Variants in CCDC192 observed in about 807,000 individuals in gnomAD.
CCDC192 encodes coiled-coil domain containing 192, also known as coiled-coil domain-containing protein 192.
At chr5:127,839,729 G>A (rs1035889522) in intron 5 of CCDC192, among the ~76,000 whole-genome samples, 1 of 152,058 alleles carries the variant, frequency 6.6e-6, no homozygotes. Context: ...TCTCTGAGCT[G>A]TGTATCCTTG....
At chr5:127,894,788 A>T (rs866594433) in intron 6 of CCDC192, among the ~76,000 whole-genome samples, 1 of 152,240 alleles carries the variant, frequency 6.6e-6, no homozygotes, top group Middle Eastern at 3.2e-3. Flanking sequence ...GTTGTTAATG[A>T]GGCCACAAAT....
At chr5:127,805,121 T>C (rs1034233797) in intron 5 of CCDC192, among the ~76,000 whole-genome samples, 2 of 152,156 alleles carry the variant, frequency 1.3e-5, no homozygotes, top group African/African-American at 4.8e-5. Flanking sequence ...TCTAGAAGCA[T>C]CACTTCATTC....
chr5:127,877,335 T>G (rs1752123450), intron 6 of CCDC192, among the ~76,000 whole-genome samples: 1 of 131,984 alleles, frequency 7.6e-6, no homozygotes, highest in Admixed American at 8.0e-5. Context: ...TTTTGCCCAT[T>G]ATTCTCTTTA....
intron 2 of CCDC192, among the ~76,000 whole-genome samples, chr5:127,724,849 A>G (rs74742012): frequency 2.9e-4 from 43 of 148,832 alleles, no homozygotes; most frequent in African/African-American, 1.0e-3. Context: ...CTCCGTCTCA[A>G]AAAAAAAAAA....
chr5:127,909,628 TG>T (rs1201847431), intron 6 of CCDC192, among the ~76,000 whole-genome samples: 1 of 151,786 alleles, frequency 6.6e-6, no homozygotes, highest in African/African-American at 2.4e-5. Flanking sequence ...TGCTAGTTAA[TG>T]GAAAAAAAAA....
At chr5:127,789,192 A>T (rs576153392) in intron 3 of CCDC192, among the ~76,000 whole-genome samples, 14 of 152,350 alleles carry the variant, frequency 9.2e-5, no homozygotes, top group African/African-American at 3.1e-4. Context: ...ATGCTACTGT[A>T]ACATATACCT....
At chr5:127,857,544 G>T (rs1368807770) in intron 5 of CCDC192, 3 of 152,074 alleles carry the variant, frequency 2.0e-5, no homozygotes, top group Non-Finnish European at 4.4e-5. Context: ...ACAACCAATA[G>T]GATATACATA....
At position 127,848,155 on chromosome 5, in the gene CCDC192, A is replaced by G. The variant is rs182073194; in HGVS notation, c.412-27383A>G. ...TTTCTTATCATTACTGCTCCTAAGC[A>G]TGGTCCTGGTTCTCTCTTATGGTTG... On this transcript the variant is annotated intron_variant, in intron 5 of 6. Coordinates refer to ENST00000514853, the MANE Select transcript of CCDC192 (RefSeq NM_001317938.2). 9.2e-5 allele frequency among the ~76,000 whole-genome samples: 14 copies of G among 152,180 alleles called. 1 individual carries two copies. Among genetic ancestry groups the G allele is most frequent in the Admixed American group, 8.5e-4 (13 of 15,282 alleles).
chr5:127,796,542 AAAAC>A (rs1757176951), intron 3 of CCDC192, among the ~76,000 whole-genome samples: 1 of 152,206 alleles, frequency 6.6e-6, no homozygotes, highest in Admixed American at 6.5e-5. Flanking sequence ...CAGTCAAACA[AAAAC>A]AAAGTCATTG....
chr5:127,822,355 C>T lies in CCDC192; in HGVS notation c.411+24193C>T, dbSNP rs571238384. 2.0e-5 allele frequency among the ~76,000 whole-genome samples: 3 copies of T among 152,266 alleles called. No homozygotes were observed. In the South Asian group the frequency reaches 6.2e-4, roughly 32 times the overall value. ...AACAGTTAACAGCATTGCTTAAAAC[C>T]TCATTCATTCCTTTCTAAAATATTT... On this transcript the variant is annotated intron_variant, in intron 5 of 6. Transcript: ENST00000514853.
At chr5:127,898,484 T>G (rs1363532417) in intron 6 of CCDC192, among the ~76,000 whole-genome samples, 2 of 152,152 alleles carry the variant, frequency 1.3e-5, no homozygotes, top group East Asian at 3.8e-4. Context: ...GAAAGCTTGT[T>G]TGTAGGTGTA....
chr5:127,874,380 C>T (rs1751982155), intron 5 of CCDC192, among the ~76,000 whole-genome samples: 1 of 152,114 alleles, frequency 6.6e-6, no homozygotes, highest in African/African-American at 2.4e-5. Flanking sequence ...GGGTGACCTC[C>T]CAAAGGTTTA....
intron 6 of CCDC192, among the ~76,000 whole-genome samples, chr5:127,884,602 A>T (rs1225786647): frequency 6.6e-6 from 1 of 152,082 alleles, no homozygotes; most frequent in African/African-American, 2.4e-5. Flanking sequence ...CCTTAGATCA[A>T]TTACTGCGGC....
intron 5 of CCDC192, among the ~76,000 whole-genome samples, chr5:127,848,746 G>C (rs1344844126): frequency 6.6e-6 from 1 of 152,176 alleles, no homozygotes; most frequent in Admixed American, 6.5e-5. Context: ...CATGCAGAAA[G>C]TACTGAATAA....
intron 3 of CCDC192, among the ~76,000 whole-genome samples, chr5:127,768,919 C>T (rs1340263066): frequency 6.6e-6 from 1 of 152,186 alleles, no homozygotes; most frequent in Non-Finnish European, 1.5e-5. Flanking sequence ...CAGGAAATTT[C>T]CTAATTTGTG....
At chr5:127,827,192 A>G (rs1394524291) in intron 5 of CCDC192, among the ~76,000 whole-genome samples, 8 of 152,202 alleles carry the variant, frequency 5.3e-5, no homozygotes, top group African/African-American at 1.9e-4. Context: ...AAGTAGGGAA[A>G]ATTCCCAAAA....
chr5:127,786,701 C>T, intron 3 of CCDC192: 1 of 750,676 alleles, frequency 1.3e-6, no homozygotes, highest in Non-Finnish European at 2.5e-6. Flanking sequence ...TGTAGAATTT[C>T]AGTACACTCT....
At chr5:127,913,982 A>T (rs896416687) in intron 6 of CCDC192, among the ~76,000 whole-genome samples, 3 of 152,220 alleles carry the variant, frequency 2.0e-5, no homozygotes, top group Non-Finnish European at 1.5e-5. Flanking sequence ...TATTTGTATG[A>T]ATGTGAATAA....
intron 3 of CCDC192, among the ~76,000 whole-genome samples, chr5:127,763,624 C>A (rs1755052514): frequency 6.6e-6 from 1 of 152,104 alleles, no homozygotes; most frequent in Non-Finnish European, 1.5e-5. Context: ...TCTTACAATG[C>A]CATTTATGAT....
Sources: gnomAD v4.1 joint callset for allele counts (sites outside exome capture counted in the v4.1 genomes callset) on GRCh38, gnomAD v4.1.1 for gene constraint, MANE v1.5 for transcripts, NCBI Gene and HGNC (gene_info 2026-07-23, HGNC 2026-07-21) for gene names.